Variants in NGFR observed in about 807,000 individuals in gnomAD.
NGFR encodes nerve growth factor receptor.
In NGFR, 30 loss-of-function variants were observed where a neutral mutation model predicts 43.2. The observed-to-expected ratio is 0.69, with a 90% confidence interval of 0.52 to 0.94. The LOEUF (loss-of-function observed/expected upper bound fraction) is 0.94. Ranked by LOEUF, NGFR falls within the 40% of genes least tolerant of loss-of-function variation. The pLI, the probability that NGFR is intolerant of heterozygous loss-of-function variation, is 0.00. For synonymous variants in NGFR, 246 were observed against 259.6 expected (o/e 0.95, Z 0.50); for missense variants, 529 against 602.5 (o/e 0.88, Z 1.28).
chr17:49,495,604 G>A lies in NGFR; in HGVS notation c.66+121G>A, dbSNP rs2071133941. 2.3e-6 allele frequency: 2 copies of A among 879,118 alleles called. No homozygotes were observed. Among genetic ancestry groups the A allele is most frequent in the Non-Finnish European group, 1.5e-6 (1 of 663,530 alleles). The allele number at this position is 879,118 out of a possible 1,614,324, so 54.5% of individuals were successfully genotyped here. ...GGGTCCCAGATACTGAGGGTGGGTG[G>A]TGGGAAAGGACCTCTGATGCCGGGA... On this transcript the variant is annotated intron_variant, in intron 1 of 5. Coordinates refer to ENST00000172229, the MANE Select transcript of NGFR (RefSeq NM_002507.4). This position sits in a 1 kb window ranked among gnomAD's most constrained non-coding sequence, Gnocchi z 6.4.
rs571666348 is a variant in NGFR at position 49,514,433 on chromosome 17, T to A, written c.*1424T>A. ...CTCTAGACAACCCTGCAAAGGACTG[T>A]TTTTTCCTGAGCTTGGCCAGAAGGG... On this transcript the variant is annotated 3_prime_UTR_variant, in exon 6 of 6. Transcript: ENST00000172229. The A allele has an allele frequency of 6.6e-6, 1 of 152,296 alleles. No individual in the cohort carries two copies. Among genetic ancestry groups the A allele is most frequent in the Non-Finnish European group, 1.5e-5 (1 of 68,086 alleles). The allele number at this position is 152,296 out of a possible 1,614,324, so 9.4% of individuals were successfully genotyped here.
At chr17:49,501,648 T>C (rs1231823170) in intron 1 of NGFR, among the ~76,000 whole-genome samples, 2 of 152,250 alleles carry the variant, frequency 1.3e-5, no homozygotes, top group African/African-American at 2.4e-5. Flanking sequence ...GAGTTTGGGA[T>C]AGGTTTCAGC....
At chr17:49,510,088 C>G (rs1411186598) in intron 3 of NGFR, among the ~76,000 whole-genome samples, 1 of 152,070 alleles carries the variant, frequency 6.6e-6, no homozygotes, top group Non-Finnish European at 1.5e-5. Context: ...GACCATAGCC[C>G]CAGATGGAAG....
intron 1 of NGFR, among the ~76,000 whole-genome samples, chr17:49,500,269 T>C (rs1469726962): frequency 6.6e-6 from 1 of 152,190 alleles, no homozygotes; most frequent in Non-Finnish European, 1.5e-5. Flanking sequence ...CAGCAAAGCC[T>C]GGCAGTCTGG....
Position 49,511,887 on chromosome 17 carries a change from T to C in NGFR, c.822-5T>C. 6.2e-7 allele frequency: 1 copy of C among 1,600,838 alleles called. No individual in the cohort carries two copies. The highest frequency in any genetic ancestry group is 8.5e-7 in the Non-Finnish European group (1 of 1,173,404). On this transcript the variant is annotated splice_polypyrimidine_tract_variant and splice_region_variant and intron_variant, in intron 4 of 5. Coordinates refer to ENST00000172229, the MANE Select transcript of NGFR (RefSeq NM_002507.4). ...CCTGAAACCTGGCCTGTCCTCTGGC[T>C]CCAGGTGGAACAGCTGCAAGCAGAA...
At chr17:49,497,405 C>G (rs982171668) in intron 1 of NGFR, 1 of 152,292 alleles carries the variant, frequency 6.6e-6, no homozygotes, top group Non-Finnish European at 1.5e-5. Flanking sequence ...ACCAGGAGAG[C>G]GGGGAGGAGG....
At chr17:49,503,450 G>A (rs117100953) in intron 2 of NGFR, among the ~76,000 whole-genome samples, 1 of 152,264 alleles carries the variant, frequency 6.6e-6, no homozygotes, top group East Asian at 1.9e-4. Flanking sequence ...CCACCTGGAG[G>A]GCTCGAGGGA....
chr17:49,507,348 T>C (rs1389643892), intron 3 of NGFR, among the ~76,000 whole-genome samples: 2 of 151,638 alleles, frequency 1.3e-5, no homozygotes, highest in Non-Finnish European at 2.9e-5. Flanking sequence ...CGCAGTTTAG[T>C]GAAGGATGAG....
rs533950630 is a variant in NGFR at position 49,513,091 on chromosome 17, C to A, written c.*82C>A. ...ACCCCTGTGGAGCCCGCACCCCCAC[C>A]CTTTGGGGGGGGCCCGCCTGGCAGA... On this transcript the variant is annotated 3_prime_UTR_variant, in exon 6 of 6. Transcript: ENST00000172229. 5.0e-6 allele frequency: 7 copies of A among 1,388,774 alleles called. No homozygotes were observed. Among genetic ancestry groups the A allele is most frequent in the Non-Finnish European group, 6.6e-6 (7 of 1,055,436 alleles). 86.0% of individuals were successfully genotyped at this position (1,388,774 alleles called of 1,614,324 possible).
At chr17:49,508,251 C>T (rs2071211154) in intron 3 of NGFR, among the ~76,000 whole-genome samples, 1 of 152,182 alleles carries the variant, frequency 6.6e-6, no homozygotes, top group South Asian at 2.1e-4. Context: ...GACCAGCCAG[C>T]TGGGGGCGGG....
intron 1 of NGFR, among the ~76,000 whole-genome samples, chr17:49,500,097 G>A (rs2071158972): frequency 6.6e-6 from 1 of 151,168 alleles, no homozygotes; most frequent in South Asian, 2.1e-4. Context: ...AAAGACAAAA[G>A]TGTGGTAATT....
intron 2 of NGFR, among the ~76,000 whole-genome samples, chr17:49,504,380 C>T (rs557836138): frequency 5.9e-5 from 9 of 152,262 alleles, no homozygotes; most frequent in African/African-American, 1.7e-4. Flanking sequence ...TGTGTTTGGA[C>T]GTTCTTTCTG....
intron 2 of NGFR, among the ~76,000 whole-genome samples, chr17:49,502,815 T>TCTTCCTCC (rs2071174650): frequency 1.6e-5 from 2 of 121,504 alleles, no homozygotes; most frequent in African/African-American, 3.1e-5. Context: ...GCCTGGGATT[T>TCTTCCTCC]CTTCCTTCCT....
Position 49,495,296 on chromosome 17 carries a change from G to GCGAGC in NGFR, c.-114_-110dup, listed in dbSNP as rs1307215295. On this transcript the variant is annotated 5_prime_UTR_variant, in exon 1 of 6. Transcript: ENST00000172229. The surrounding 1 kb of genome is among the most constrained non-coding windows in gnomAD (Gnocchi z 6.4). ...CCAGCCTCTCCCGCCCGCAGCCAGA[G>GCGAGC]CGAGCCGAGCCGCGGCCAGCTCCGG... 3.7e-5 allele frequency: 30 copies of GCGAGC among 815,664 alleles called. No individual in the cohort carries two copies. The highest frequency in any genetic ancestry group is 4.7e-5 in the Non-Finnish European group (29 of 611,208). 50.5% of individuals were successfully genotyped at this position (815,664 alleles called of 1,614,324 possible).
chr17:49,506,586 C>G lies in NGFR; in HGVS notation c.496C>G (p.Pro166Ala). 2 of 1,610,198 alleles carry G rather than the reference C, an allele frequency of 1.2e-6. No homozygotes were observed. Among genetic ancestry groups the G allele is most frequent in the Non-Finnish European group, 1.7e-6 (2 of 1,178,958 alleles). ...GGCCAACCACGTGGACCCGTGCCTG[C>G]CCTGCACCGTGTGCGAGGACACCGA... ...DEANHVDPCL[P>A]CTVCEDTERQ... The change falls in exon 3 of 6, where the codon CCC (proline) becomes GCC (alanine). Residue 166 changes from proline to alanine, a missense_variant. Coordinates refer to ENST00000172229, the MANE Select transcript of NGFR (RefSeq NM_002507.4).
intron 2 of NGFR, among the ~76,000 whole-genome samples, chr17:49,504,956 G>C (rs1011011946): frequency 1.2e-4 from 18 of 151,802 alleles, no homozygotes; most frequent in Non-Finnish European, 7.4e-5. Flanking sequence ...ATTTTTTATA[G>C]AGATGGGGTT....
intron 3 of NGFR, 40 bp from the exon 4 acceptor site, chr17:49,510,372 G>A (rs779604697): frequency 6.9e-6 from 11 of 1,604,908 alleles, no homozygotes; most frequent in African/African-American, 1.3e-5. Flanking sequence ...AGGGAGGAGT[G>A]GGGGAAGTGG....
At chr17:49,501,818 G>A (rs965494244) in intron 1 of NGFR, among the ~76,000 whole-genome samples, 3 of 152,182 alleles carry the variant, frequency 2.0e-5, no homozygotes, top group African/African-American at 7.2e-5. Context: ...GATGAACTTT[G>A]CAGAAGGTCA....
At position 49,512,806 on chromosome 17, in the gene NGFR, C is replaced by T; in HGVS notation, c.1081C>T (p.His361Tyr). The T allele has an allele frequency of 6.2e-7, 1 of 1,613,438 alleles. No homozygotes were observed. Among genetic ancestry groups the T allele is most frequent in the Non-Finnish European group, 8.5e-7 (1 of 1,179,950 alleles). Residue 361 changes from histidine to tyrosine, a missense_variant, in exon 6 of 6, where the codon CAC becomes TAC. Coordinates refer to ENST00000172229, the MANE Select transcript of NGFR (RefSeq NM_002507.4). This position sits in a 1 kb window ranked among gnomAD's most constrained non-coding sequence, Gnocchi z 5.2. Reference sequence around the variant, plus strand: ...CGGCTCTGCGGGGGACACCTGGCGGCACCTGGCGGGCGAGCTGGGCTACCA... The same window carrying T: ...CGGCTCTGCGGGGGACACCTGGCGGTACCTGGCGGGCGAGCTGGGCTACCA... Reference protein sequence around the residue: ...LNGSAGDTWRHLAGELGYQPE... With the variant: ...LNGSAGDTWRYLAGELGYQPE...
Sources: gnomAD v4.1 joint callset for allele counts (sites outside exome capture counted in the v4.1 genomes callset) on GRCh38, gnomAD v4.1.1 for gene constraint, Gnocchi (gnomAD v3.1) non-coding constraint, MANE v1.5 for transcripts, NCBI Gene and HGNC (gene_info 2026-07-23, HGNC 2026-07-21) for gene names.